AKAP12: variants seen among roughly 807,000 people sequenced by gnomAD.
The protein encoded by AKAP12 is A-kinase anchoring protein 12.
In AKAP12, 32 loss-of-function variants were observed where a neutral mutation model predicts 79.9. The ratio of observed to expected loss-of-function variants is 0.40; its 90% confidence interval spans 0.30 to 0.54. AKAP12 has a LOEUF of 0.54. AKAP12 is among the 20% of genes least tolerant of loss of function. The pLI is 0.48. For missense variants in AKAP12, 2,074 were observed against 2,177.0 expected (o/e 0.95, Z 0.94); for synonymous variants, 808 against 857.0 (o/e 0.94, Z 1.00).
intron 3 of AKAP12, among the ~76,000 whole-genome samples, chr6:151,334,429 A>G (rs1777757087): frequency 6.6e-6 from 1 of 151,814 alleles, no homozygotes; most frequent in South Asian, 2.1e-4. Context: ...CCCCATCTCT[A>G]CTAAAGATAG....
intron 2 of AKAP12, among the ~76,000 whole-genome samples, chr6:151,247,863 G>A (rs1313956391): frequency 1.3e-5 from 2 of 152,104 alleles, no homozygotes; most frequent in African/African-American, 2.4e-5. Context: ...CTGGGACACC[G>A]GGACACCATT....
At chr6:151,278,348 T>C (rs1183693486) in intron 2 of AKAP12, among the ~76,000 whole-genome samples, 2 of 152,148 alleles carry the variant, frequency 1.3e-5, no homozygotes, top group Non-Finnish European at 2.9e-5. Context: ...CCCAAGTAGC[T>C]GGGATTGCAG....
At chr6:151,267,094 T>A in intron 2 of AKAP12, among the ~76,000 whole-genome samples, 1 of 150,854 alleles carries the variant, frequency 6.6e-6, no homozygotes, top group East Asian at 2.0e-4. Context: ...GATTGTTTCA[T>A]CTTTTCAAAA....
intron 3 of AKAP12, among the ~76,000 whole-genome samples, chr6:151,342,937 A>G (rs2114811526): frequency 6.6e-6 from 1 of 152,092 alleles, no homozygotes; most frequent in South Asian, 2.1e-4. Flanking sequence ...TGATTTTTGT[A>G]TTTTTAGTAG....
intron 2 of AKAP12, among the ~76,000 whole-genome samples, chr6:151,287,050 C>T: frequency 6.6e-6 from 1 of 151,784 alleles, no homozygotes; most frequent in Non-Finnish European, 1.5e-5. Flanking sequence ...CACCATTCTC[C>T]TGCCTCAGCC....
intron 3 of AKAP12, chr6:151,324,779 A>G (rs1777482471): frequency 3.0e-6 from 3 of 985,320 alleles, no homozygotes; most frequent in Non-Finnish European, 3.6e-6. Flanking sequence ...GTGTATTAAA[A>G]TTGTGAGACC....
chr6:151,290,241 A>G (rs1340388795), intron 2 of AKAP12, among the ~76,000 whole-genome samples: 1 of 152,038 alleles, frequency 6.6e-6, no homozygotes, highest in Non-Finnish European at 1.5e-5. Flanking sequence ...AGGATAGGAA[A>G]ACTGGGCAGT....
Position 151,261,253 on chromosome 6 carries a change from G to A in AKAP12, c.162+20529G>A, listed in dbSNP as rs377538352. 1.6e-4 allele frequency among the ~76,000 whole-genome samples: 24 copies of A among 151,788 alleles called. No individual in the cohort carries two copies. The South Asian group carries it at 4.6e-3, about 29-fold the overall frequency. ...AAATTAGCTGGGCGTGGTGGTGGGC[G>A]CCTGCAATCTCAGGAGGCTGAGGCA... On this transcript the variant is annotated intron_variant, in intron 2 of 4. Transcript: ENST00000402676.
intron 3 of AKAP12, among the ~76,000 whole-genome samples, chr6:151,347,864 C>T (rs1052593827): frequency 5.4e-5 from 8 of 147,266 alleles, no homozygotes; most frequent in Admixed American, 6.9e-5. Context: ...TGGTGAAACC[C>T]CTCCCATACT....
chr6:151,271,418 C>T (rs908199237), intron 2 of AKAP12, among the ~76,000 whole-genome samples: 3 of 150,526 alleles, frequency 2.0e-5, no homozygotes, highest in East Asian at 2.0e-4. Context: ...GCCTGCCAGT[C>T]TCATGTGATC....
intron 2 of AKAP12, among the ~76,000 whole-genome samples, chr6:151,289,995 T>TA (rs1200458817): frequency 6.6e-6 from 1 of 152,234 alleles, no homozygotes; most frequent in African/African-American, 2.4e-5. Flanking sequence ...TGTGTTTTGA[T>TA]ACACTTTCGT....
intron 2 of AKAP12, among the ~76,000 whole-genome samples, chr6:151,273,149 C>T (rs886574944): frequency 3.3e-5 from 5 of 152,112 alleles, no homozygotes; most frequent in South Asian, 2.1e-4. Context: ...CCTTGTGATC[C>T]GCCTGCCTCG....
intron 3 of AKAP12, among the ~76,000 whole-genome samples, chr6:151,307,585 A>G (rs922633831): frequency 7.9e-5 from 12 of 152,208 alleles, no homozygotes; most frequent in Non-Finnish European, 1.6e-4. Flanking sequence ...GGGATGGGGC[A>G]GGGACACAGT....
At chr6:151,320,413 C>T (rs1562737186) in intron 3 of AKAP12, among the ~76,000 whole-genome samples, 1 of 152,022 alleles carries the variant, frequency 6.6e-6, no homozygotes, top group Non-Finnish European at 1.5e-5. Context: ...AGCCACCTCG[C>T]CCGGCCTGTG....
rs558359235 is a variant in AKAP12, at chr6:151,353,589, C to A, written c.5198C>A (p.Pro1733Gln). 11 of 1,613,938 alleles carry A rather than the reference C, an allele frequency of 6.8e-6. No homozygotes were observed. The South Asian group carries it at 9.9e-5, about 14-fold the overall frequency. Residue 1733 changes from proline (P) to glutamine (Q), a missense_variant, in exon 4 of 5, where the codon CCA (proline) becomes CAA (glutamine). By Grantham distance (76) the Pro-to-Gln change is moderately conservative. Around this residue, in one of 3 missense-constraint regions of AKAP12, gnomAD observed 614 missense variants for 665.6 expected, o/e 0.92. Coordinates refer to ENST00000402676, the MANE Select transcript of AKAP12 (RefSeq NM_005100.4). ...AAAGAGTCCCCAGATACAAATGGAC[C>A]AAAACAAAAAGAGAAGGAGGATGCC... ...LTKESPDTNG[P>Q]KQKEKEDAQE...
chr6:151,351,574 G>T lies in AKAP12; in HGVS notation c.3183G>T (p.Gly1061=). The T allele has an allele frequency of 6.2e-7, 1 of 1,614,094 alleles. No homozygotes were observed. Among genetic ancestry groups the T allele is most frequent in the Non-Finnish European group, 8.5e-7 (1 of 1,180,034 alleles). The change falls in exon 4 of 5, where the codon GGG becomes GGT. Residue 1061 remains glycine, a synonymous_variant. Coordinates refer to ENST00000402676, the MANE Select transcript of AKAP12 (RefSeq NM_005100.4). This position sits in a 1 kb window ranked among gnomAD's most constrained non-coding sequence, Gnocchi z 4.4. ...KEESQLPGTG[G]PEDVLQPVQR... ...AATCCCAGCTGCCTGGCACCGGTGG[G>T]CCAGAAGATGTGCTTCAGCCTGTGC...
At chr6:151,341,611 G>T in intron 3 of AKAP12, 1 of 830,846 alleles carries the variant, frequency 1.2e-6, no homozygotes, top group Non-Finnish European at 1.5e-6. Context: ...GGGGCGCGCT[G>T]GGCCTCACGG....
At chr6:151,343,645 G>A (rs769035198) in intron 3 of AKAP12, among the ~76,000 whole-genome samples, 3 of 152,122 alleles carry the variant, frequency 2.0e-5, no homozygotes, top group Non-Finnish European at 2.9e-5. Flanking sequence ...TTAGCCGAGC[G>A]TGGTGGCAGC....
Position 151,353,495 on chromosome 6 carries a change from G to A in AKAP12, c.5104G>A (p.Asp1702Asn), listed in dbSNP as rs1778357080. 6.2e-7 allele frequency: 1 copy of A among 1,614,198 alleles called. No individual in the cohort carries two copies. Reference protein sequence around the residue: ...LVEPKEDEKGDDVDDPENQNS... With the variant: ...LVEPKEDEKGNDVDDPENQNS... ...TGAACCGAAAGAAGATGAAAAAGGT[G>A]ATGATGTTGATGACCCTGAAAACCA... is the stretch of plus-strand genomic sequence containing the variant. The change falls in exon 4 of 5, where the codon GAT (aspartate) becomes AAT (asparagine). Residue 1702 changes from aspartate (D) to asparagine (N), a missense_variant. Physicochemically the swap from Asp to Asn is conservative, Grantham distance 23 (BLOSUM62 1). Around this residue, in one of 3 missense-constraint regions of AKAP12, gnomAD observed 614 missense variants for 665.6 expected, o/e 0.92. Coordinates refer to ENST00000402676, the MANE Select transcript of AKAP12 (RefSeq NM_005100.4).
Sources: gnomAD v4.1 joint callset for allele counts (sites outside exome capture counted in the v4.1 genomes callset) on GRCh38, gnomAD v4.1.1 for gene constraint, gnomAD v4.1.1 regional missense constraint, Gnocchi (gnomAD v3.1) non-coding constraint, MANE v1.5 for transcripts, NCBI Gene and HGNC (gene_info 2026-07-23, HGNC 2026-07-21) for gene names.